Variants in PDLIM7 observed in about 807,000 individuals in gnomAD.
PDLIM7 encodes the protein PDZ and LIM domain protein 7.
PDLIM7 carries 37 observed loss-of-function variants against 53.9 expected under a neutral mutation model. The ratio of observed to expected loss-of-function variants is 0.69; its 90% CI spans 0.53 to 0.90. PDLIM7 has a LOEUF of 0.90. Ranked by LOEUF, PDLIM7 falls within the 40% of genes least tolerant of loss-of-function variation. The probability of loss-of-function intolerance (pLI) is 0.00; values close to 1 mark genes in which losing one functional copy is unlikely to be tolerated. For synonymous variants in PDLIM7, 300 were observed against 261.3 expected, an observed-to-expected ratio of 1.15 and a Z score of -1.43; for missense variants, 617 against 638.5, an observed-to-expected ratio of 0.97 and a Z score of 0.36.
chr5:177,490,197 AC>A, intron 7 of PDLIM7: 2 of 1,443,188 alleles, frequency 1.4e-6, no homozygotes, highest in South Asian at 1.4e-5. Flanking sequence ...ACACCCCCAC[AC>A]CCCAAATGCA....
chr5:177,486,642 C>CT (rs574034478), intron 10 of PDLIM7, among the ~76,000 whole-genome samples: 6 of 152,144 alleles, frequency 3.9e-5, no homozygotes, highest in East Asian at 1.9e-4. Context: ...ATTTCTCTTT[C>CT]TTTTTTTCTT....
At chr5:177,487,314 T>G (rs1257156409) in intron 10 of PDLIM7, among the ~76,000 whole-genome samples, 2 of 152,234 alleles carry the variant, frequency 1.3e-5, no homozygotes, top group African/African-American at 2.4e-5. Flanking sequence ...TTTCCCAGCC[T>G]CCGTTGCCAC....
At position 177,490,808 on chromosome 5, in the gene PDLIM7, A is replaced by T. The variant is rs886541529; in HGVS notation, c.572+62T>A. 7 of 1,578,786 alleles carry T rather than the reference A, an allele frequency of 4.4e-6. No individual in the cohort carries two copies. The African/African-American group carries it at 9.4e-5, about 21-fold the overall frequency. ...AGCTGGGAGCCTCAGGAGTAGACAC[A>T]GGGCAGTAGCTGGAATGGAAGAGGC... On this transcript the variant is annotated intron_variant, in intron 7 of 12. Coordinates refer to ENST00000355841, the MANE Select transcript of PDLIM7 (RefSeq NM_005451.5).
Position 177,483,728 on chromosome 5 carries a change from T to C in PDLIM7, c.1290A>G (p.Ile430Met). The C allele has an allele frequency of 6.2e-7, 1 of 1,612,208 alleles. No individual in the cohort carries two copies. The highest frequency in any genetic ancestry group is 8.5e-7 in the Non-Finnish European group (1 of 1,178,450). Residue 430 changes from isoleucine (I) to methionine (M), a missense_variant and splice_region_variant, in exon 13 of 13, where the codon ATA (isoleucine) becomes ATG (methionine). Coordinates refer to ENST00000355841, the MANE Select transcript of PDLIM7 (RefSeq NM_005451.5). ...SWHDTCFVCA[I>M]CQINLEGKTF... ...TCTTTCCTTCCAGGTTGATCTGACA[T>C]ATCTAAGGACAGCAAAGGCCCAGTC...
intron 10 of PDLIM7, chr5:177,484,515 C>A: frequency 3.4e-6 from 1 of 293,342 alleles, no homozygotes; most frequent in Non-Finnish European, 6.6e-6. Flanking sequence ...ACACCCCACA[C>A]CAGGTCCACC....
chr5:177,493,485 G>A (rs1273519326), intron 2 of PDLIM7, among the ~76,000 whole-genome samples: 2 of 152,370 alleles, frequency 1.3e-5, no homozygotes, highest in African/African-American at 2.4e-5. Flanking sequence ...TGACTTTGAG[G>A]AAGCGGTGGG....
Sources: gnomAD v4.1 joint callset for allele counts (sites outside exome capture counted in the v4.1 genomes callset) on GRCh38, gnomAD v4.1.1 for gene constraint, MANE v1.5 for transcripts, NCBI Gene and HGNC (gene_info 2026-07-23, HGNC 2026-07-21) for gene names.